Variants in HECW2 observed in about 807,000 individuals in gnomAD.
HECW2 encodes HECT, C2 and WW domain containing E3 ubiquitin protein ligase 2, also known as E3 ubiquitin-protein ligase HECW2.
A neutral mutation model predicts 175.2 loss-of-function variants in HECW2; 61 were observed. That is an observed-to-expected ratio of 0.35 (90% CI 0.28 to 0.43). The LOEUF is 0.43. HECW2 is among the 20% of genes least tolerant of loss of function. HECW2 has a pLI of 1.00. For missense variants in HECW2, 1,524 were observed against 2,000.5 expected (o/e 0.76, Z 4.54); for synonymous variants, 671 against 731.0 (o/e 0.92, Z 1.32).
chr2:196,315,149 A>AGT (rs58473650), intron 10 of HECW2, among the ~76,000 whole-genome samples: 1,795 of 144,802 alleles, frequency 0.012, 31 homozygotes, highest in African/African-American at 0.041. Context: ...CGAGTGTATG[A>AGT]GTGTGTGTGT....
chr2:196,487,913 T>C (rs1360214271), intron 1 of HECW2, among the ~76,000 whole-genome samples: 1 of 152,238 alleles, frequency 6.6e-6, no homozygotes, highest in Admixed American at 6.5e-5. Flanking sequence ...GACATTTCTA[T>C]TTTTAAATTT....
chr2:196,222,393 A>G, intron 23 of HECW2, 53 bp from the exon 24 acceptor site: 7 of 1,556,572 alleles, frequency 4.5e-6, no homozygotes, highest in Non-Finnish European at 5.3e-6. Flanking sequence ...ATTAGCAAAA[A>G]CCCAGAGTCA....
At chr2:196,332,093 T>G (rs1361095283) in intron 4 of HECW2, among the ~76,000 whole-genome samples, 1 of 151,796 alleles carries the variant, frequency 6.6e-6, no homozygotes, top group Non-Finnish European at 1.5e-5. Context: ...GACAGAGAGG[T>G]CCCCCTTTTT....
At chr2:196,209,297 G>A (rs187461292) in intron 28 of HECW2, among the ~76,000 whole-genome samples, 84 of 152,196 alleles carry the variant, frequency 5.5e-4, no homozygotes, top group African/African-American at 1.8e-3. Flanking sequence ...ATAGCTTGAC[G>A]TTTTACATTA....
At chr2:196,289,035 T>G (rs1212508293) in intron 14 of HECW2, 1 of 152,278 alleles carries the variant, frequency 6.6e-6, no homozygotes, top group Non-Finnish European at 1.5e-5. Flanking sequence ...TGAACTAGTG[T>G]CTGGCCCAGG....
At chr2:196,344,221 T>C (rs995847051) in intron 2 of HECW2, among the ~76,000 whole-genome samples, 3 of 151,374 alleles carry the variant, frequency 2.0e-5, no homozygotes, top group Non-Finnish European at 4.4e-5. Flanking sequence ...ACAGCACAGC[T>C]TTGCCAGGAA....
chr2:196,205,608 T>G (rs1687039356), intron 28 of HECW2, among the ~76,000 whole-genome samples: 1 of 152,168 alleles, frequency 6.6e-6, no homozygotes, highest in South Asian at 2.1e-4. Flanking sequence ...TAGCTCAATC[T>G]CAGGCTTAAT....
intron 1 of HECW2, among the ~76,000 whole-genome samples, chr2:196,520,051 T>C (rs1340810643): frequency 6.6e-6 from 1 of 152,202 alleles, no homozygotes; most frequent in African/African-American, 2.4e-5. Flanking sequence ...AGTGACTAAA[T>C]GCAATGTGGT....
At chr2:196,454,215 A>C (rs531440494) in intron 1 of HECW2, among the ~76,000 whole-genome samples, 1 of 152,312 alleles carries the variant, frequency 6.6e-6, no homozygotes, top group Admixed American at 6.5e-5. Context: ...CCGCCTCGCC[A>C]GATTTATACA....
intron 2 of HECW2, among the ~76,000 whole-genome samples, chr2:196,427,764 T>C (rs1026134172): frequency 4.6e-5 from 7 of 152,274 alleles, no homozygotes; most frequent in Middle Eastern, 3.4e-3. Flanking sequence ...TATAGCTCCA[T>C]TGTGATCATC....
chr2:196,308,777 A>G lies in HECW2; in HGVS notation c.2435-692T>C, dbSNP rs368601334. On this transcript the variant is annotated intron_variant, in intron 10 of 28. Transcript: ENST00000644978. ...ATATACAAGTGAATGTTCAGAAGGC[A>G]GATTGGTCTTCAGAGTCAGACACCC... is the stretch of plus-strand genomic sequence containing the variant. Among the ~76,000 whole-genome samples, 8 of 152,364 alleles carry G rather than the reference A, an allele frequency of 5.3e-5. No homozygotes were observed. The East Asian group carries it at 1.5e-3, about 29-fold the overall frequency.
chr2:196,584,387 T>C (rs1690901037), intron 1 of HECW2, among the ~76,000 whole-genome samples: 1 of 151,954 alleles, frequency 6.6e-6, no homozygotes, highest in Non-Finnish European at 1.5e-5. Context: ...TGACCACCTG[T>C]TAAAAACACT....
intron 18 of HECW2, 89 bp from the exon 19 acceptor site, chr2:196,254,118 G>GTTTATATTCC (rs1688960301): frequency 6.5e-7 from 1 of 1,532,600 alleles, no homozygotes; most frequent in Admixed American, 1.9e-5. Context: ...TTCCATCCAA[G>GTTTATATTCC]ATCCGGTTTA....
chr2:196,444,531 T>C (rs1696129013), intron 1 of HECW2, among the ~76,000 whole-genome samples: 1 of 152,174 alleles, frequency 6.6e-6, no homozygotes, highest in African/African-American at 2.4e-5. Context: ...TTCACATCAT[T>C]TCATACCTAG....
At chr2:196,268,397 C>T (rs2105954048) in intron 17 of HECW2, among the ~76,000 whole-genome samples, 1 of 145,938 alleles carries the variant, frequency 6.9e-6, no homozygotes, top group Non-Finnish European at 1.5e-5. Flanking sequence ...TAACTGAGGA[C>T]TCTAGATGCC....
At chr2:196,396,570 C>G (rs1376959366) in intron 2 of HECW2, among the ~76,000 whole-genome samples, 1 of 152,148 alleles carries the variant, frequency 6.6e-6, no homozygotes, top group African/African-American at 2.4e-5. Context: ...TATAAATGTT[C>G]AACGCAAGCT....
intron 14 of HECW2, among the ~76,000 whole-genome samples, chr2:196,284,230 A>G (rs1020069376): frequency 2.6e-5 from 4 of 152,256 alleles, no homozygotes; most frequent in African/African-American, 9.6e-5. Context: ...CCCAGACAGC[A>G]TGCTCTACAT....
At chr2:196,537,521 G>T (rs549569453) in intron 1 of HECW2, among the ~76,000 whole-genome samples, 43 of 152,234 alleles carry the variant, frequency 2.8e-4, no homozygotes, top group African/African-American at 9.4e-4. Context: ...GAAAACCAGG[G>T]ACAGCATGAA....
At chr2:196,315,149 AGTGTGTGT>A (rs58473650) in intron 10 of HECW2, among the ~76,000 whole-genome samples, 31,742 of 144,656 alleles carry the variant, frequency 0.22, 3,701 homozygotes, top group African/African-American at 0.32. Context: ...CGAGTGTATG[AGTGTGTGT>A]GTGTGTGTGT....
Sources: allele counts gnomAD v4.1 joint callset (sites outside exome capture counted in the v4.1 genomes callset), GRCh38; gene constraint gnomAD v4.1.1; transcripts MANE v1.5; gene names NCBI Gene and HGNC (gene_info 2026-07-23, HGNC 2026-07-21).